The following IQGAP2 variants were observed in gnomAD, a reference collection of about 807,000 sequenced individuals.
The protein encoded by IQGAP2 is IQ motif containing GTPase activating protein 2.
Under a neutral mutation model 201.3 loss-of-function variants are expected in IQGAP2, and 173 were observed. That is an observed-to-expected ratio of 0.86 (90% CI 0.76 to 0.98). IQGAP2 has a LOEUF of 0.98. IQGAP2 is among the 50% of genes least tolerant of loss of function. The probability of loss-of-function intolerance (pLI) is 0.00; values close to 1 mark genes in which losing one functional copy is unlikely to be tolerated. For missense variants in IQGAP2, 1,687 were observed against 1,864.8 expected, an observed-to-expected ratio of 0.90 and a Z score of 1.76; for synonymous variants, 675 against 673.9, an observed-to-expected ratio of 1.00 and a Z score of -0.03.
intron 1 of IQGAP2, among the ~76,000 whole-genome samples, chr5:76,413,343 A>G (rs1751241143): frequency 6.6e-6 from 1 of 151,396 alleles, no homozygotes; most frequent in Non-Finnish European, 1.5e-5. Context: ...TATTTTTTGT[A>G]TTTTTAGTAG....
intron 11 of IQGAP2, among the ~76,000 whole-genome samples, 157 bp from the exon 12 acceptor site, chr5:76,606,022 A>G (rs983095080): frequency 1.3e-5 from 2 of 152,236 alleles, no homozygotes; most frequent in African/African-American, 2.4e-5. Context: ...TAAGCCTGGT[A>G]TATGTTGACA....
At chr5:76,641,422 T>C (rs991148607) in intron 17 of IQGAP2, among the ~76,000 whole-genome samples, 1 of 152,202 alleles carries the variant, frequency 6.6e-6, no homozygotes, top group Non-Finnish European at 1.5e-5. Context: ...TTGGGGACTT[T>C]ACAATTTGGC....
intron 16 of IQGAP2, among the ~76,000 whole-genome samples, chr5:76,638,506 T>C (rs931155864): frequency 2.0e-5 from 3 of 152,166 alleles, no homozygotes; most frequent in Non-Finnish European, 4.4e-5. Context: ...TTGTCCATTG[T>C]AGTCCTAATT....
intron 2 of IQGAP2, among the ~76,000 whole-genome samples, chr5:76,511,864 T>C (rs1757988837): frequency 6.6e-6 from 1 of 151,914 alleles, no homozygotes; most frequent in African/African-American, 2.4e-5. Flanking sequence ...GTATTTTTAG[T>C]AGAGACGGGG....
chr5:76,611,096 A>T lies in IQGAP2; in HGVS notation c.1434A>T (p.Leu478=). The T allele has an allele frequency of 6.2e-7, 1 of 1,613,946 alleles. No homozygotes were observed. Among genetic ancestry groups the T allele is most frequent in the Non-Finnish European group, 8.5e-7 (1 of 1,179,818 alleles). Residue 478 remains leucine (L), a synonymous_variant, in exon 13 of 36, where the codon CTA becomes CTT. Coordinates refer to ENST00000274364, the MANE Select transcript of IQGAP2 (RefSeq NM_006633.5). ...TGAGGACTTTAGAAACTTTGCTCCT[A>T]CCTACTGCGAATATTAGTGATGTGG... ...NPLRTLETLL[L]PTANISDVDP... is the part of the protein sequence containing the mutation.
At chr5:76,665,706 G>T (rs980500720) in intron 22 of IQGAP2, among the ~76,000 whole-genome samples, 1 of 152,178 alleles carries the variant, frequency 6.6e-6, no homozygotes, top group Non-Finnish European at 1.5e-5. Context: ...GCATTACTAT[G>T]ATCTAAATGA....
In IQGAP2 at chr5:76,562,654, G is replaced by T. The variant is rs565617033; in HGVS notation, c.303+102G>T. 2.4e-5 allele frequency: 26 copies of T among 1,067,962 alleles called. No homozygotes were observed. In the East Asian group the frequency reaches 3.2e-4, roughly 13 times the overall value. 66.2% of individuals were successfully genotyped at this position (1,067,962 alleles called of 1,614,324 possible). ...CTCTTAGTGTTTCTGTAAGGATTTGGGGGGCTGGGGGATGTCTTTGGAGCC... is the reference window on the plus strand; with the variant it reads ...CTCTTAGTGTTTCTGTAAGGATTTGTGGGGCTGGGGGATGTCTTTGGAGCC... On this transcript the variant is annotated intron_variant, in intron 3 of 35. Coordinates refer to ENST00000274364, the MANE Select transcript of IQGAP2 (RefSeq NM_006633.5).
At chr5:76,679,391 G>A (rs969476986) in intron 28 of IQGAP2, among the ~76,000 whole-genome samples, 4 of 152,218 alleles carry the variant, frequency 2.6e-5, no homozygotes, top group Non-Finnish European at 5.9e-5. Flanking sequence ...AGAAGCAGAT[G>A]TAATGTGGGG....
At chr5:76,465,250 G>A (rs528493086) in intron 2 of IQGAP2, among the ~76,000 whole-genome samples, 1 of 152,132 alleles carries the variant, frequency 6.6e-6, no homozygotes, top group Non-Finnish European at 1.5e-5. Context: ...AGCAAGCTTG[G>A]TTTAAGACCT....
intron 2 of IQGAP2, among the ~76,000 whole-genome samples, chr5:76,484,445 C>A (rs1275104266): frequency 6.6e-6 from 1 of 152,142 alleles, no homozygotes; most frequent in African/African-American, 2.4e-5. Flanking sequence ...TTCATTCCTC[C>A]TTTATGGGGT....
intron 15 of IQGAP2, among the ~76,000 whole-genome samples, chr5:76,634,897 T>G (rs1751002173): frequency 9.7e-6 from 1 of 103,602 alleles, no homozygotes; most frequent in Non-Finnish European, 2.2e-5. Flanking sequence ...TAATCAGTCT[T>G]TTTTCTAAGT....
intron 28 of IQGAP2, among the ~76,000 whole-genome samples, chr5:76,682,030 A>G (rs754859208): frequency 6.6e-6 from 1 of 152,178 alleles, no homozygotes; most frequent in Non-Finnish European, 1.5e-5. Context: ...ACATACAGGT[A>G]TATTTGTGGT....
intron 13 of IQGAP2, among the ~76,000 whole-genome samples, chr5:76,620,008 A>G (rs572634333): frequency 6.6e-6 from 1 of 152,278 alleles, no homozygotes; most frequent in South Asian, 2.1e-4. Context: ...AGCTGAAAAA[A>G]GCAAGATAGC....
intron 2 of IQGAP2, among the ~76,000 whole-genome samples, chr5:76,463,365 G>C (rs1247889545): frequency 6.6e-6 from 1 of 152,040 alleles, no homozygotes; most frequent in East Asian, 1.9e-4. Flanking sequence ...TACACAAGCA[G>C]CTTGACCTTC....
intron 5 of IQGAP2, among the ~76,000 whole-genome samples, chr5:76,583,534 A>G (rs1746022424): frequency 6.6e-6 from 1 of 152,210 alleles, no homozygotes; most frequent in South Asian, 2.1e-4. Context: ...ATTTTTTGAT[A>G]TATGCAAATG....
At chr5:76,546,282 A>C (rs1282512658) in intron 2 of IQGAP2, among the ~76,000 whole-genome samples, 1 of 152,156 alleles carries the variant, frequency 6.6e-6, no homozygotes, top group African/African-American at 2.4e-5. Context: ...CTAAAAATAC[A>C]AAAATTGGTC....
chr5:76,563,436 G>A (rs1744521111), intron 3 of IQGAP2, among the ~76,000 whole-genome samples: 1 of 152,146 alleles, frequency 6.6e-6, no homozygotes, highest in Non-Finnish European at 1.5e-5. Context: ...TGAGGGGAAG[G>A]TAGACAGATG....
At chr5:76,571,779 C>G (rs1046616055) in intron 4 of IQGAP2, among the ~76,000 whole-genome samples, 2 of 152,200 alleles carry the variant, frequency 1.3e-5, no homozygotes, top group African/African-American at 4.8e-5. Flanking sequence ...CTTCATTCAG[C>G]TTTCCCCTAG....
chr5:76,528,554 T>C (rs1282258004), intron 2 of IQGAP2, among the ~76,000 whole-genome samples: 1 of 152,212 alleles, frequency 6.6e-6, no homozygotes, highest in Non-Finnish European at 1.5e-5. Context: ...TTTTCAAAGT[T>C]GATCCAGGCT....
Sources: gnomAD v4.1 joint callset for allele counts (sites outside exome capture counted in the v4.1 genomes callset) on GRCh38, gnomAD v4.1.1 for gene constraint, MANE v1.5 for transcripts, NCBI Gene and HGNC (gene_info 2026-07-23, HGNC 2026-07-21) for gene names.